SEPTIN9: variants seen among roughly 807,000 people sequenced by gnomAD.
The protein encoded by SEPTIN9 is septin-9.
SEPTIN9 carries 13 observed loss-of-function variants against 56.6 expected under a neutral mutation model. The observed-to-expected ratio is 0.23, with a 90% CI of 0.15 to 0.37. The LOEUF is 0.37. SEPTIN9 is among the 10% of genes least tolerant of loss of function. The pLI is 1.00. For missense variants in SEPTIN9, 650 were observed against 823.1 expected, an observed-to-expected ratio of 0.79 and a Z score of 2.57; for synonymous variants, 332 against 334.1, an observed-to-expected ratio of 0.99 and a Z score of 0.07.
rs1460428967 is a variant in SEPTIN9, at chr17:77,405,105, G to GATA, written c.721+2404_721+2405insAAT. The GATA allele has an allele frequency of 4.6e-6, 7 of 1,535,400 alleles. No individual in the cohort carries two copies. The African/African-American group carries it at 9.6e-5, about 21-fold the overall frequency. ...TAAATCTCGGTGATGGCTGGTGCTG[G>GATA]ATGCACAGGGACGTGGTCCTGGCTC... is the stretch of plus-strand genomic sequence containing the variant. On this transcript the variant is annotated intron_variant, in intron 3 of 11. Transcript: ENST00000427177. The surrounding 1 kb of genome is among the most constrained non-coding windows in gnomAD (Gnocchi z 5.8).
chr17:77,457,182 G>A (rs1179116877), intron 3 of SEPTIN9, among the ~76,000 whole-genome samples: 3 of 152,126 alleles, frequency 2.0e-5, no homozygotes, highest in East Asian at 1.9e-4. Context: ...GATGGCACCC[G>A]ATGGCACAGG....
At position 77,427,611 on chromosome 17, in the gene SEPTIN9, GCTT is replaced by G. The variant is rs142053437; in HGVS notation, c.721+24914_721+24916del. Among the ~76,000 whole-genome samples, 669 of 152,342 alleles carry G rather than the reference GCTT, an allele frequency of 4.4e-3. 8 individuals carry two copies. The highest frequency in any genetic ancestry group is 0.027 in the South Asian group (131 of 4,830). On this transcript the variant is annotated intron_variant, in intron 3 of 11. Transcript: ENST00000427177. The stretch of plus-strand genomic sequence containing the variant: ...ATGGGATCCGAGGCCGGGAAGAACA[GCTT>G]CTTCTGTAGGTTGACATTGTCAGCC...
Position 77,499,102 on chromosome 17 carries a change from C to T in SEPTIN9, c.*444C>T, listed in dbSNP as rs1321713263. 1 of 536,380 alleles carries T rather than the reference C, an allele frequency of 1.9e-6. No individual in the cohort carries two copies. The highest frequency in any genetic ancestry group is 3.6e-6 in the Non-Finnish European group (1 of 276,390). The allele number at this position is 536,380 out of a possible 1,614,324, so 33.2% of individuals were successfully genotyped here. A position where few individuals can be genotyped will look rare whatever the true frequency, so the allele number is the denominator to read the frequency against. ...ATCGGCCCTGTCCCCTGGAGTGTGT[C>T]AGAGCCCAGGGGAGAATGCAGCCCA... On this transcript the variant is annotated 3_prime_UTR_variant, in exon 12 of 12. Coordinates refer to ENST00000427177, the MANE Select transcript of SEPTIN9 (RefSeq NM_001113491.2).
intron 3 of SEPTIN9, among the ~76,000 whole-genome samples, chr17:77,458,191 T>C (rs552400961): frequency 1.6e-4 from 25 of 152,202 alleles, no homozygotes; most frequent in African/African-American, 5.8e-4. Context: ...CTGCTCACCA[T>C]CCCTCCTGCC....
intron 2 of SEPTIN9, among the ~76,000 whole-genome samples, chr17:77,386,584 G>T (rs900891145): frequency 1.3e-5 from 2 of 152,186 alleles, no homozygotes; most frequent in Non-Finnish European, 2.9e-5. Flanking sequence ...AACTCCTTCA[G>T]TTTTTCCTTC....
chr17:77,321,239 G>A (rs918952874), intron 2 of SEPTIN9, among the ~76,000 whole-genome samples: 1 of 152,080 alleles, frequency 6.6e-6, no homozygotes. Flanking sequence ...GCGGGAGGTC[G>A]CTAAGAGTGT....
intron 2 of SEPTIN9, among the ~76,000 whole-genome samples, chr17:77,355,047 A>AT (rs775949681): frequency 6.6e-6 from 1 of 152,102 alleles, no homozygotes; most frequent in Non-Finnish European, 1.5e-5. Flanking sequence ...CCAGGAAAGG[A>AT]TTAGAATGCT....
chr17:77,412,379 C>T (rs185507542), intron 3 of SEPTIN9, among the ~76,000 whole-genome samples: 179 of 152,242 alleles, frequency 1.2e-3, no homozygotes, highest in Non-Finnish European at 2.1e-3. Context: ...TGTTATAGGC[C>T]AGGGCCCTGT....
At chr17:77,373,244 CGGTGCG>C in intron 2 of SEPTIN9, 2 of 1,119,838 alleles carry the variant, frequency 1.8e-6, no homozygotes, top group Non-Finnish European at 1.1e-6. Context: ...ACAGGGAGGC[CGGTGCG>C]GGTGCGGGAA....
chr17:77,354,828 G>C (rs1323146862), intron 2 of SEPTIN9, among the ~76,000 whole-genome samples: 5 of 152,226 alleles, frequency 3.3e-5, no homozygotes, highest in African/African-American at 1.2e-4. Flanking sequence ...CCTTGAGGAC[G>C]TTGACCCCTG....
At chr17:77,477,292 C>T (rs1354180450) in intron 3 of SEPTIN9, among the ~76,000 whole-genome samples, 2 of 152,148 alleles carry the variant, frequency 1.3e-5, no homozygotes, top group African/African-American at 2.4e-5. Context: ...GAAACGCCAT[C>T]CTCGGTACAC....
chr17:77,421,489 TGAG>T lies in SEPTIN9; in HGVS notation c.721+18788_721+18790del, dbSNP rs2036700621. Reference sequence around the variant, plus strand: ...GTCTGTGCTTCCCTGGGGACCGAGATGAGGGCTCCAGGTTGGCTCCGGCAAGAG... The same window carrying T: ...GTCTGTGCTTCCCTGGGGACCGAGATGGCTCCAGGTTGGCTCCGGCAAGAG... On this transcript the variant is annotated intron_variant, in intron 3 of 11. Transcript: ENST00000427177. This position sits in a 1 kb window ranked among gnomAD's most constrained non-coding sequence, Gnocchi z 4.6. 6.6e-6 allele frequency among the ~76,000 whole-genome samples: 1 copy of T among 152,092 alleles called. No individual in the cohort carries two copies. The highest frequency in any genetic ancestry group is 1.5e-5 in the Non-Finnish European group (1 of 68,006).
At chr17:77,416,260 G>T (rs2036504481) in intron 3 of SEPTIN9, among the ~76,000 whole-genome samples, 1 of 152,198 alleles carries the variant, frequency 6.6e-6, no homozygotes, top group South Asian at 2.1e-4. Context: ...CTTTGGACCT[G>T]CAGAGCTTGT....
At position 77,405,693 on chromosome 17, in the gene SEPTIN9, G is replaced by A. The variant is rs1396488102; in HGVS notation, c.721+2990G>A. On this transcript the variant is annotated intron_variant, in intron 3 of 11. Coordinates refer to ENST00000427177, the MANE Select transcript of SEPTIN9 (RefSeq NM_001113491.2). The surrounding 1 kb of genome is among the most constrained non-coding windows in gnomAD (Gnocchi z 5.8). The stretch of plus-strand genomic sequence containing the variant: ...AAATCCGATGGGAGTGGCTTCTCGG[G>A]GGGCCCAGGCCTGAGCCCCACTAGT... 6.6e-6 allele frequency among the ~76,000 whole-genome samples: 1 copy of A among 152,040 alleles called. No individual in the cohort carries two copies. The highest frequency in any genetic ancestry group is 1.5e-5 in the Non-Finnish European group (1 of 67,990).
At chr17:77,332,992 G>A (rs2033420888) in intron 2 of SEPTIN9, among the ~76,000 whole-genome samples, 1 of 152,190 alleles carries the variant, frequency 6.6e-6, no homozygotes, top group African/African-American at 2.4e-5. Flanking sequence ...AACACCTAGA[G>A]TAGGTATAGG....
intron 3 of SEPTIN9, among the ~76,000 whole-genome samples, chr17:77,481,420 GC>G (rs1377983059): frequency 6.6e-6 from 1 of 152,030 alleles, no homozygotes; most frequent in African/African-American, 2.4e-5. Flanking sequence ...TCCTCCATGA[GC>G]CCAGGAACAG....
At chr17:77,416,432 G>A (rs2144186145) in intron 3 of SEPTIN9, among the ~76,000 whole-genome samples, 1 of 152,344 alleles carries the variant, frequency 6.6e-6, no homozygotes, top group East Asian at 1.9e-4. Context: ...TGAACGGAGT[G>A]TGATGAATAA....
intron 3 of SEPTIN9, among the ~76,000 whole-genome samples, chr17:77,428,114 G>A (rs908782408): frequency 1.3e-5 from 2 of 152,308 alleles, no homozygotes; most frequent in African/African-American, 4.8e-5. Flanking sequence ...AGGCTGAGTC[G>A]CTGGCCCATA....
chr17:77,301,394 TTGTGTGTGTGTGTGTGTGTGTG>T (rs56947697), intron 1 of SEPTIN9, among the ~76,000 whole-genome samples: 4 of 142,516 alleles, frequency 2.8e-5, no homozygotes, highest in South Asian at 2.3e-4. Context: ...GGGAATAGAT[TTGTGTGTGTGTGTGTGTGTGTG>T]TGTGTGTGTG....
Sources: allele counts gnomAD v4.1 joint callset (sites outside exome capture counted in the v4.1 genomes callset), GRCh38; gene constraint gnomAD v4.1.1; non-coding constraint Gnocchi (gnomAD v3.1); transcripts MANE v1.5; gene names NCBI Gene and HGNC (gene_info 2026-07-23, HGNC 2026-07-21).